Variants in GTF2F2 observed in about 807,000 individuals in gnomAD.
GTF2F2 encodes the protein general transcription factor IIF subunit 2.
In GTF2F2, 23 loss-of-function variants were observed where a neutral mutation model predicts 42.2. The observed-to-expected ratio is 0.55, with a 90% CI of 0.39 to 0.77. The LOEUF (loss-of-function observed/expected upper bound fraction) is 0.77, where lower values mean the gene tolerates loss of function less well. GTF2F2 is among the 30% of genes least tolerant of loss of function. The probability of loss-of-function intolerance (pLI) is 0.00; values close to 1 mark genes in which losing one functional copy is unlikely to be tolerated. For missense variants in GTF2F2, 261 were observed against 287.2 expected, an observed-to-expected ratio of 0.91 and a Z score of 0.66; for synonymous variants, 105 against 100.8, an observed-to-expected ratio of 1.04 and a Z score of -0.25.
intron 5 of GTF2F2, among the ~76,000 whole-genome samples, chr13:45,209,340 G>A (rs1420848709): frequency 1.3e-5 from 2 of 152,192 alleles, no homozygotes; most frequent in African/African-American, 4.8e-5. Flanking sequence ...GTTTGTATAA[G>A]TACACTCTAT....
At chr13:45,136,836 A>G (rs745488345) in intron 2 of GTF2F2, 30 bp downstream of exon 2, 3 of 1,276,356 alleles carry the variant, frequency 2.4e-6, no homozygotes, top group South Asian at 1.3e-5. Context: ...TTGACATTTT[A>G]AAAAGCTATT....
intron 5 of GTF2F2, among the ~76,000 whole-genome samples, chr13:45,225,678 T>C (rs1197616687): frequency 6.6e-6 from 1 of 151,112 alleles, no homozygotes; most frequent in Non-Finnish European, 1.5e-5. Context: ...ACAACCGTGA[T>C]TAGAAAGCCA....
intron 1 of GTF2F2, among the ~76,000 whole-genome samples, chr13:45,127,239 AC>A (rs1869062037): frequency 6.6e-6 from 1 of 152,156 alleles, no homozygotes; most frequent in Admixed American, 6.5e-5. Flanking sequence ...CTGGGAATCT[AC>A]AGTTTTATTA....
chr13:45,282,102 G>A (rs1258490721), intron 7 of GTF2F2, among the ~76,000 whole-genome samples: 1 of 152,116 alleles, frequency 6.6e-6, no homozygotes. Context: ...TTGGGAGGAG[G>A]CAGGAGAATC....
At chr13:45,128,121 C>T (rs866841011) in intron 1 of GTF2F2, among the ~76,000 whole-genome samples, 17 of 147,856 alleles carry the variant, frequency 1.1e-4, no homozygotes, top group Admixed American at 7.4e-4. Flanking sequence ...CCACCATGCC[C>T]GGCTAATTTT....
chr13:45,150,563 A>G (rs1870436351), intron 3 of GTF2F2, among the ~76,000 whole-genome samples: 1 of 151,578 alleles, frequency 6.6e-6, no homozygotes, highest in South Asian at 2.1e-4. Context: ...TTTTCCTTCT[A>G]TATGCCAGGC....
At chr13:45,250,708 G>A (rs1463291970) in intron 5 of GTF2F2, among the ~76,000 whole-genome samples, 1 of 152,142 alleles carries the variant, frequency 6.6e-6, no homozygotes, top group Admixed American at 6.5e-5. Flanking sequence ...GCAGGGACTA[G>A]ATCCCAAAGA....
Position 45,180,209 on chromosome 13 carries a change from T to C in GTF2F2, c.305-27215T>C, listed in dbSNP as rs551552983. On this transcript the variant is annotated intron_variant, in intron 4 of 7. Transcript: ENST00000340473. Reference sequence around the variant, plus strand: ...ATAAATTATAAATAAGTTTGTACTTTCTTCTTGGCTTTTGATCATGTCATC... The same window carrying C: ...ATAAATTATAAATAAGTTTGTACTTCCTTCTTGGCTTTTGATCATGTCATC... 1.2e-4 allele frequency among the ~76,000 whole-genome samples: 19 copies of C among 152,316 alleles called. No homozygotes were observed. The South Asian group carries it at 3.9e-3, about 32-fold the overall frequency.
chr13:45,193,868 A>G, intron 4 of GTF2F2: 1 of 1,614,172 alleles, frequency 6.2e-7, no homozygotes, highest in Non-Finnish European at 8.5e-7. Flanking sequence ...CTAAAGCCAC[A>G]CTTTAAAGCC....
chr13:45,123,360 G>A (rs1330214881), intron 1 of GTF2F2: 1 of 152,362 alleles, frequency 6.6e-6, no homozygotes, highest in Non-Finnish European at 1.5e-5. Context: ...GGGTGCAGTG[G>A]CTGATGTCTG....
chr13:45,261,938 T>G (rs989221307), intron 6 of GTF2F2, among the ~76,000 whole-genome samples: 2 of 152,238 alleles, frequency 1.3e-5, no homozygotes, highest in African/African-American at 4.8e-5. Flanking sequence ...GGTTTTGTCC[T>G]AACTATAAGT....
intron 4 of GTF2F2, among the ~76,000 whole-genome samples, chr13:45,161,735 C>T (rs1001148277): frequency 4.6e-5 from 7 of 152,058 alleles, no homozygotes; most frequent in Non-Finnish European, 8.8e-5. Flanking sequence ...CCCGCCTATT[C>T]GGGAGGCTGA....
At chr13:45,217,821 T>G (rs865840622) in intron 5 of GTF2F2, among the ~76,000 whole-genome samples, 1 of 152,226 alleles carries the variant, frequency 6.6e-6, no homozygotes, top group Non-Finnish European at 1.5e-5. Context: ...AAAGTTTGTC[T>G]TTATTATCCA....
At chr13:45,268,448 C>T (rs1025189428) in intron 7 of GTF2F2, among the ~76,000 whole-genome samples, 17 of 152,076 alleles carry the variant, frequency 1.1e-4, no homozygotes, top group African/African-American at 3.9e-4. Flanking sequence ...TACATCAACC[C>T]TTGCCTTTTG....
chr13:45,176,403 G>A (rs1180871500), intron 4 of GTF2F2, among the ~76,000 whole-genome samples: 1 of 152,148 alleles, frequency 6.6e-6, no homozygotes, highest in Non-Finnish European at 1.5e-5. Flanking sequence ...TTTTTTAAAT[G>A]AAGTTACCCT....
At chr13:45,262,888 G>T (rs981927743) in intron 6 of GTF2F2, among the ~76,000 whole-genome samples, 1 of 151,892 alleles carries the variant, frequency 6.6e-6, no homozygotes, top group Non-Finnish European at 1.5e-5. Flanking sequence ...GGGACTACAG[G>T]CTCGTTCATG....
At position 45,191,222 on chromosome 13, in the gene GTF2F2, A is replaced by ATATAT. The variant is rs1555267758; in HGVS notation, c.305-16202_305-16201insTATAT. 6.4e-3 allele frequency among the ~76,000 whole-genome samples: 444 copies of ATATAT among 69,868 alleles called. 6 individuals are homozygous for ATATAT. The highest frequency in any genetic ancestry group is 0.033 in the African/African-American group (304 of 9,220). 45.8% of individuals were successfully genotyped at this position (69,868 alleles called of 152,430 possible). On this transcript the variant is annotated intron_variant, in intron 4 of 7. Coordinates refer to ENST00000340473, the MANE Select transcript of GTF2F2 (RefSeq NM_004128.3). ...CCGTCTCTACTAAAAATACAAAAAA[A>ATATAT]AAATATATATATATATATATATATA...
chr13:45,220,535 T>C (rs1874065034), intron 5 of GTF2F2, among the ~76,000 whole-genome samples: 1 of 151,880 alleles, frequency 6.6e-6, no homozygotes. Flanking sequence ...ATCAGTAGAC[T>C]TTGACTAGAT....
At chr13:45,193,897 T>TA in intron 4 of GTF2F2, 1 of 1,614,152 alleles carries the variant, frequency 6.2e-7, no homozygotes. Context: ...AGCCTCAAAC[T>TA]TAAGAGTTTC....
Sources: allele counts gnomAD v4.1 joint callset (sites outside exome capture counted in the v4.1 genomes callset), GRCh38; gene constraint gnomAD v4.1.1; transcripts MANE v1.5; gene names NCBI Gene and HGNC (gene_info 2026-07-23, HGNC 2026-07-21).